DNAJB12: variants seen among roughly 807,000 people sequenced by gnomAD.
DNAJB12 encodes the protein DnaJ heat shock protein family (Hsp40) member B12.
A neutral mutation model predicts 40.6 loss-of-function variants in DNAJB12; 14 were observed. The observed-to-expected ratio is 0.34, with a 90% CI of 0.23 to 0.54. DNAJB12 has a LOEUF of 0.54. Ranked by LOEUF, DNAJB12 falls within the 20% of genes least tolerant of loss-of-function variation. The pLI, the probability that DNAJB12 is intolerant of heterozygous loss-of-function variation, is 0.92. For synonymous variants in DNAJB12, 181 were observed against 199.5 expected (o/e 0.91, Z 0.78); for missense variants, 444 against 501.7 (o/e 0.89, Z 1.10).
chr10:72,352,983 G>A (rs1861971219), intron 1 of DNAJB12, among the ~76,000 whole-genome samples: 1 of 152,336 alleles, frequency 6.6e-6, no homozygotes, highest in Non-Finnish European at 1.5e-5. Context: ...ACTAATCCCA[G>A]GTCTTTGTCA....
At position 72,345,072 on chromosome 10, in the gene DNAJB12, G is replaced by T. The variant is rs759695431; in HGVS notation, c.189C>A (p.Pro63=). 6 of 1,614,176 alleles carry T rather than the reference G, an allele frequency of 3.7e-6. No individual in the cohort carries two copies. The East Asian group carries it at 1.3e-4, about 36-fold the overall frequency. Reference sequence around the variant, plus strand: ...TGTGGGTGGCATGGGTTGTGTCTGTGGGTGGGGGTTGGTCACCGGCAGTCT... The same window carrying T: ...TGTGGGTGGCATGGGTTGTGTCTGTTGGTGGGGGTTGGTCACCGGCAGTCT... ...KPQTAGDQPP[P]TDTTHATHRK... is the part of the protein sequence containing the mutation. The change falls in exon 2 of 9, where the codon CCC becomes CCA. Residue 63 remains proline, a synonymous_variant. Coordinates refer to ENST00000444643, the MANE Select transcript of DNAJB12 (RefSeq NM_017626.7).
At chr10:72,339,389 CT>C (rs1564818570) in intron 5 of DNAJB12, among the ~76,000 whole-genome samples, 4 of 151,970 alleles carry the variant, frequency 2.6e-5, no homozygotes, top group Admixed American at 2.0e-4. Context: ...CAAAAATTAG[CT>C]GGGTGTGGTG....
rs373198524 is a variant in DNAJB12, at chr10:72,336,693, G to A, written c.837C>T (p.Ser279=). 41 of 1,613,678 alleles carry A rather than the reference G, an allele frequency of 2.5e-5. No homozygotes were observed. Among genetic ancestry groups the A allele is most frequent in the African/African-American group, 1.7e-4 (13 of 75,028 alleles). ...TGACTCGCCTGTGGATGTGGCCCAC[G>A]GACCTGGCCAGAAATACCAGGTTCA... ...SPPYSLSPRP[S]VGHIHRRVTD... The change falls in exon 7 of 9, where the codon TCC becomes TCT. Residue 279 remains serine, a synonymous_variant. Coordinates refer to ENST00000444643, the MANE Select transcript of DNAJB12 (RefSeq NM_017626.7).
At chr10:72,337,721 G>C (rs1861515408) in intron 6 of DNAJB12, among the ~76,000 whole-genome samples, 1 of 152,144 alleles carries the variant, frequency 6.6e-6, no homozygotes, top group Non-Finnish European at 1.5e-5. Flanking sequence ...TGCTTGCTCT[G>C]TCTGACTCTA....
intron 1 of DNAJB12, among the ~76,000 whole-genome samples, chr10:72,348,607 C>T (rs1277080574): frequency 6.6e-6 from 1 of 152,224 alleles, no homozygotes. Context: ...GAGTATGGGG[C>T]TCCAGTGGAG....
Position 72,334,561 on chromosome 10 carries a change from C to A in DNAJB12, c.*87G>T. 6.5e-7 allele frequency: 1 copy of A among 1,535,602 alleles called. No individual in the cohort carries two copies. The highest frequency in any genetic ancestry group is 8.7e-7 in the Non-Finnish European group (1 of 1,146,510). On this transcript the variant is annotated 3_prime_UTR_variant, in exon 9 of 9. Coordinates refer to ENST00000444643, the MANE Select transcript of DNAJB12 (RefSeq NM_017626.7). ...CTTTGTTTGTCTTTCCTCAAATATA[C>A]AGTCCATCACCTTGGCTCAGTGCAT...
In DNAJB12 at chr10:72,336,629, A is replaced by C. The variant is rs770338722; in HGVS notation, c.901T>G (p.Phe301Val). 1 of 1,614,136 alleles carries C rather than the reference A, an allele frequency of 6.2e-7. No individual in the cohort carries two copies. Among genetic ancestry groups the C allele is most frequent in the Non-Finnish European group, 8.5e-7 (1 of 1,179,996 alleles). The change falls in exon 7 of 9, where the codon TTC becomes GTC. Residue 301 changes from phenylalanine to valine, a missense_variant. Physicochemically the swap from Phe to Val is conservative, Grantham distance 50. Coordinates refer to ENST00000444643, the MANE Select transcript of DNAJB12 (RefSeq NM_017626.7). ...LGVVYYVGDT[F>V]SEEYTGSSLK... is the part of the protein sequence containing the mutation. ...CTGGAGCCTGTGTACTCTTCGGAGA[A>C]AGTGTCTCCCACATAGTAGACGACA...
chr10:72,335,420 C>T lies in DNAJB12; in HGVS notation c.*30+360G>A. On this transcript the variant is annotated intron_variant, in intron 8 of 8. Coordinates refer to ENST00000444643, the MANE Select transcript of DNAJB12 (RefSeq NM_017626.7). This position sits in a 1 kb window ranked among gnomAD's most constrained non-coding sequence, Gnocchi z 4.4. ...TAAATACCAGGGCACGGACAATAGT[C>T]TGCTGTGCTGGAGAAAGGGCCGTGC... The T allele has an allele frequency of 9.5e-7, 1 of 1,050,026 alleles. No individual in the cohort carries two copies. Among genetic ancestry groups the T allele is most frequent in the Non-Finnish European group, 1.2e-6 (1 of 867,036 alleles). The allele number at this position is 1,050,026 out of a possible 1,614,324, so 65.0% of individuals were successfully genotyped here. A position where few individuals can be genotyped will look rare whatever the true frequency, so the allele number is the denominator to read the frequency against.
At chr10:72,341,877 G>A (rs1176697725) in intron 3 of DNAJB12, among the ~76,000 whole-genome samples, 1 of 152,198 alleles carries the variant, frequency 6.6e-6, no homozygotes, top group Non-Finnish European at 1.5e-5. Flanking sequence ...ATGTTACAGA[G>A]CTGGGAGTCA....
At chr10:72,343,630 G>T in intron 2 of DNAJB12, 119 bp from the exon 3 acceptor site, 1 of 1,063,124 alleles carries the variant, frequency 9.4e-7, no homozygotes, top group Non-Finnish European at 1.4e-6. Flanking sequence ...AACAGGGCAA[G>T]GCTGACAGCT....
chr10:72,340,748 G>A (rs2131986734), intron 5 of DNAJB12, 41 bp downstream of exon 5: 2 of 1,597,042 alleles, frequency 1.3e-6, no homozygotes, highest in East Asian at 4.5e-5. Context: ...GGGTGGATTT[G>A]GTGCCCTTCC....
chr10:72,335,749 G>A lies in DNAJB12; in HGVS notation c.*30+31C>T, dbSNP rs1009834131. 3.7e-6 allele frequency: 6 copies of A among 1,603,292 alleles called. No individual in the cohort carries two copies. In the African/African-American group the frequency reaches 6.7e-5, roughly 18 times the overall value. On this transcript the variant is annotated intron_variant, in intron 8 of 8. Coordinates refer to ENST00000444643, the MANE Select transcript of DNAJB12 (RefSeq NM_017626.7). The surrounding 1 kb of genome is among the most constrained non-coding windows in gnomAD (Gnocchi z 4.4). ...ATGACCAGGGCCAAAGCTGCCAGGA[G>A]TTGCAGGGTGGAGGCAGCCCTGGCT...
rs934901404 is a variant in DNAJB12 at position 72,334,217 on chromosome 10, C to T, written c.*431G>A. On this transcript the variant is annotated 3_prime_UTR_variant, in exon 9 of 9. Coordinates refer to ENST00000444643, the MANE Select transcript of DNAJB12 (RefSeq NM_017626.7). ...CATTCTATGGAGAGTTCTCTTTCTT[C>T]CTCCTATCTTTGGCCAGGGCCTCTG... 11 of 325,748 alleles carry T rather than the reference C, an allele frequency of 3.4e-5. No homozygotes were observed. Among genetic ancestry groups the T allele is most frequent in the Non-Finnish European group, 5.7e-5 (10 of 174,972 alleles). 20.2% of individuals were successfully genotyped at this position (325,748 alleles called of 1,614,324 possible).
intron 5 of DNAJB12, 28 bp downstream of exon 5, chr10:72,340,761 C>T (rs746496492): frequency 1.4e-5 from 22 of 1,610,276 alleles, no homozygotes; most frequent in Admixed American, 5.0e-5. Context: ...GCCCTTCCCG[C>T]GCTGTCCCTG....
In DNAJB12 at chr10:72,340,845, C is replaced by T. The variant is rs766854622; in HGVS notation, c.667G>A (p.Gly223Ser). 5 of 1,614,024 alleles carry T rather than the reference C, an allele frequency of 3.1e-6. No homozygotes were observed. The highest frequency in any genetic ancestry group is 4.5e-5 in the East Asian group (2 of 44,892). Reference sequence around the variant, plus strand: ...TGCTGGTAGGTATAGCGCATGCGGCCGTTGCTGTAGACGTGGACGTTACCT... The same window carrying T: ...TGCTGGTAGGTATAGCGCATGCGGCTGTTGCTGTAGACGTGGACGTTACCT... Reference protein sequence around the residue: ...PSSNVHVYSNGRMRYTYQQRQ... With the variant: ...PSSNVHVYSNSRMRYTYQQRQ... Residue 223 changes from glycine (G) to serine (S), a missense_variant, in exon 5 of 9, where the codon GGC becomes AGC. Physicochemically the swap from Gly to Ser is moderately conservative, Grantham distance 56. Transcript: ENST00000444643.
In DNAJB12 at chr10:72,354,767, C is replaced by G; in HGVS notation, c.131G>C (p.Arg44Pro). 6.2e-7 allele frequency: 1 copy of G among 1,611,522 alleles called. No homozygotes were observed. Among genetic ancestry groups the G allele is most frequent in the South Asian group, 1.1e-5 (1 of 90,946 alleles). ...TCTCTCCGGCACCTCACACTCACCG[C>G]GAACTCGCGGCGTCGGATACAGCCG... The part of the protein sequence containing the change: ...AQRLYPTPRV[R>P]ALIESLNQKP... The change falls in exon 1 of 9, where the codon CGC (arginine) becomes CCC (proline). Residue 44 changes from arginine to proline, a missense_variant and splice_region_variant. Physicochemically the swap from Arg to Pro is moderately radical, Grantham distance 103. Coordinates refer to ENST00000444643, the MANE Select transcript of DNAJB12 (RefSeq NM_017626.7).
chr10:72,344,493 T>C (rs1861727638), intron 2 of DNAJB12, among the ~76,000 whole-genome samples: 1 of 152,174 alleles, frequency 6.6e-6, no homozygotes, highest in Non-Finnish European at 1.5e-5. Context: ...TGGGGCCTGC[T>C]CACAGCCGTG....
intron 1 of DNAJB12, among the ~76,000 whole-genome samples, chr10:72,351,083 AT>A (rs1438654789): frequency 6.6e-6 from 1 of 152,082 alleles, no homozygotes; most frequent in Non-Finnish European, 1.5e-5. Context: ...ATCCCAGCCA[AT>A]CCTCTCTTTG....
At position 72,341,094 on chromosome 10, in the gene DNAJB12, G is replaced by A; in HGVS notation, c.534C>T (p.Ser178=). 6.2e-7 allele frequency: 1 copy of A among 1,614,190 alleles called. No individual in the cohort carries two copies. The highest frequency in any genetic ancestry group is 8.5e-7 in the Non-Finnish European group (1 of 1,180,048). The stretch of plus-strand genomic sequence containing the variant: ...GCCCATGGCCGTGCCGGGCCGCCTG[G>A]CTCTTGTCATCGCCGAACTGGTCAT... The part of the protein sequence containing the change: ...KQYDQFGDDK[S]QAARHGHGHG... The change falls in exon 4 of 9, where the codon AGC becomes AGT. Residue 178 remains serine, a synonymous_variant. Coordinates refer to ENST00000444643, the MANE Select transcript of DNAJB12 (RefSeq NM_017626.7).
Sources: allele counts gnomAD v4.1 joint callset (sites outside exome capture counted in the v4.1 genomes callset), GRCh38; gene constraint gnomAD v4.1.1; non-coding constraint Gnocchi (gnomAD v3.1); transcripts MANE v1.5; gene names NCBI Gene and HGNC (gene_info 2026-07-23, HGNC 2026-07-21).